The following MYSM1 variants were observed in gnomAD, a reference collection of about 807,000 sequenced individuals.
MYSM1 encodes Myb like, SWIRM and MPN domains 1.
MYSM1 carries 51 observed loss-of-function variants against 116.0 expected under a neutral mutation model. The observed-to-expected ratio is 0.44, with a 90% CI of 0.35 to 0.56. The LOEUF (loss-of-function observed/expected upper bound fraction) is 0.56, where lower values mean the gene tolerates loss of function less well. Ranked by LOEUF, MYSM1 falls within the 20% of genes least tolerant of loss-of-function variation. MYSM1 has a pLI of 0.00. For missense variants in MYSM1, 900 were observed against 974.9 expected, an observed-to-expected ratio of 0.92 and a Z score of 1.02; for synonymous variants, 313 against 315.2, an observed-to-expected ratio of 0.99 and a Z score of 0.07.
intron 7 of MYSM1, among the ~76,000 whole-genome samples, chr1:58,683,940 C>G (rs6661709): frequency 0.56 from 84,894 of 151,868 alleles, 23,969 homozygotes; most frequent in East Asian, 0.62. Flanking sequence ...TACCCCAGGT[C>G]TTTGAGTAAA....
chr1:58,681,827 G>C lies in MYSM1; in HGVS notation c.1217C>G (p.Pro406Arg). The change falls in exon 8 of 20, where the codon CCA becomes CGA. Residue 406 changes from proline to arginine, a missense_variant. This residue lies in a region of MYSM1 where 622 missense variants were observed against 623.7 expected (regional missense o/e 1.00). Coordinates refer to ENST00000472487, the MANE Select transcript of MYSM1 (RefSeq NM_001085487.3). ...ATTTCTAATTTTCAAATAGCGTTCT[G>C]GTGTTTTAGCTTGGCGCCCCTCAAA... ...EFFEGRQAKT[P>R]ERYLKIRNYI... 6.2e-7 allele frequency: 1 copy of C among 1,603,882 alleles called. No homozygotes were observed. The highest frequency in any genetic ancestry group is 8.5e-7 in the Non-Finnish European group (1 of 1,177,434).
Position 58,675,507 on chromosome 1 carries a change from T to C in MYSM1, c.1464A>G (p.Ala488=). The change falls in exon 10 of 20, where the codon GCA becomes GCG. Residue 488 remains alanine (A), a synonymous_variant. Coordinates refer to ENST00000472487, the MANE Select transcript of MYSM1 (RefSeq NM_001085487.3). ...RIRDRKDAVE[A]YQLAQRLQSM... ...ACTGCAGACGCTGGGCAAGTTGGTA[T>C]GCTTCTACTGCATCTTTTCTGTCTC... 1 of 1,613,010 alleles carries C rather than the reference T, an allele frequency of 6.2e-7. No homozygotes were observed. Among genetic ancestry groups the C allele is most frequent in the Non-Finnish European group, 8.5e-7 (1 of 1,179,426 alleles).
intron 16 of MYSM1, among the ~76,000 whole-genome samples, chr1:58,666,121 A>G (rs918005502): frequency 2.6e-5 from 4 of 152,116 alleles, no homozygotes; most frequent in African/African-American, 7.2e-5. Flanking sequence ...TTCATCTCAC[A>G]CGGTACATTT....
Position 58,690,414 on chromosome 1 carries a change from A to G in MYSM1, c.222T>C (p.Tyr74=), listed in dbSNP as rs369694843. Residue 74 remains tyrosine, a synonymous_variant, in exon 4 of 20, where the codon TAT becomes TAC. Coordinates refer to ENST00000472487, the MANE Select transcript of MYSM1 (RefSeq NM_001085487.3). ...CCGGTTGTGATTTTTTAGATAAATA[A>G]TATCTGTGTAACTATCAAGGAAACT... ...VIEKMLLEEE[Y]YLSKKSQPEK... The G allele has an allele frequency of 5.7e-6, 9 of 1,590,328 alleles. No homozygotes were observed. The South Asian group carries it at 5.7e-5, about 10-fold the overall frequency.
chr1:58,695,195 A>AT lies in MYSM1; in HGVS notation c.80dup (p.Asn27LysfsTer13). On this transcript the variant is annotated frameshift_variant, in exon 2 of 20. Coordinates refer to ENST00000472487, the MANE Select transcript of MYSM1 (RefSeq NM_001085487.3). LOFTEE classifies it high-confidence loss of function. ...GATCTTTTTGTAAAACTGATGCTGTATTTTCACCACTTCTGTAATAATTAA... is the reference window on the plus strand; with the variant it reads ...GATCTTTTTGTAAAACTGATGCTGTATTTTTCACCACTTCTGTAATAATTAA... The AT allele has an allele frequency of 6.3e-7, 1 of 1,598,400 alleles. No homozygotes were observed. Among genetic ancestry groups the AT allele is most frequent in the Non-Finnish European group, 8.6e-7 (1 of 1,166,464 alleles).
At chr1:58,678,169 T>C (rs184665216) in intron 8 of MYSM1, among the ~76,000 whole-genome samples, 17 of 152,228 alleles carry the variant, frequency 1.1e-4, no homozygotes, top group Admixed American at 7.2e-4. Flanking sequence ...CATAGACTAC[T>C]TTAGATAGAT....
intron 16 of MYSM1, 99 bp from the exon 17 acceptor site, chr1:58,665,730 G>GGAACAAA: frequency 1.2e-6 from 1 of 814,240 alleles, no homozygotes; most frequent in East Asian, 2.7e-5. Flanking sequence ...GGGAAAAGCA[G>GGAACAAA]GAACAAAAAG....
At position 58,671,975 on chromosome 1, in the gene MYSM1, A is replaced by G. The variant is rs750479136; in HGVS notation, c.1573-17T>C. 31 of 1,602,382 alleles carry G rather than the reference A, an allele frequency of 1.9e-5. No individual in the cohort carries two copies. In the East Asian group the frequency reaches 4.0e-4, roughly 21 times the overall value. On this transcript the variant is annotated splice_polypyrimidine_tract_variant and intron_variant, in intron 11 of 19. Coordinates refer to ENST00000472487, the MANE Select transcript of MYSM1 (RefSeq NM_001085487.3). ...AGAGAGATGCTAAAACAAAATGCCA[A>G]TTGATTAAGGAGTCCATCATCTACT... is the stretch of plus-strand genomic sequence containing the variant.
intron 11 of MYSM1, among the ~76,000 whole-genome samples, chr1:58,673,252 T>G (rs925595431): frequency 2.0e-5 from 3 of 152,184 alleles, no homozygotes; most frequent in Admixed American, 6.5e-5. Context: ...AATATTTTAA[T>G]TGGTATATCA....
chr1:58,690,451 A>G lies in MYSM1; in HGVS notation c.219-34T>C, dbSNP rs1044607880. 2.1e-6 allele frequency: 3 copies of G among 1,396,758 alleles called. No homozygotes were observed. In the Admixed American group the frequency reaches 6.1e-5, roughly 29 times the overall value. 86.5% of individuals were successfully genotyped at this position (1,396,758 alleles called of 1,614,324 possible). A position where few individuals can be genotyped will look rare whatever the true frequency, so the allele number is the denominator to read the frequency against. Reference sequence around the variant, plus strand: ...CTATCAAGGAAACTTTTTAAACAATATTACAGTCATGTAATTTTTACATTA... The same window carrying G: ...CTATCAAGGAAACTTTTTAAACAATGTTACAGTCATGTAATTTTTACATTA... On this transcript the variant is annotated intron_variant, in intron 3 of 19. Transcript: ENST00000472487.
rs189479164 is a variant in MYSM1, at chr1:58,673,862, G to A, written c.1495-212C>T. Among the ~76,000 whole-genome samples, 185 of 152,274 alleles carry A rather than the reference G, an allele frequency of 1.2e-3. 1 individual carries two copies. Among genetic ancestry groups the A allele is most frequent in the African/African-American group, 4.1e-3 (172 of 41,552 alleles). ...ACAAATATAATAAATCAGTGATGGCGAGGTAAGGGCAGGAGCACCAGTAGC... is the reference window on the plus strand; with the variant it reads ...ACAAATATAATAAATCAGTGATGGCAAGGTAAGGGCAGGAGCACCAGTAGC... On this transcript the variant is annotated intron_variant, in intron 10 of 19. Transcript: ENST00000472487.
rs1359577771 is a variant in MYSM1, at chr1:58,695,115, T to A, written c.147+14A>T. On this transcript the variant is annotated intron_variant, in intron 2 of 19. Transcript: ENST00000472487. The stretch of plus-strand genomic sequence containing the variant: ...AACAGCTTAATGCACCTGATATTTT[T>A]ATAAAATACTTACAATAAGGCCATT... 5 of 1,535,030 alleles carry A rather than the reference T, an allele frequency of 3.3e-6. No homozygotes were observed. The highest frequency in any genetic ancestry group is 4.5e-6 in the Non-Finnish European group (5 of 1,110,436).
At chr1:58,691,828 T>C (rs929998631) in intron 3 of MYSM1, among the ~76,000 whole-genome samples, 6 of 151,394 alleles carry the variant, frequency 4.0e-5, no homozygotes, top group African/African-American at 1.5e-4. Context: ...GATCGCACCA[T>C]TGCACTCCAG....
chr1:58,668,489 A>C (rs1569719952), intron 14 of MYSM1, 143 bp downstream of exon 14: 19 of 1,364,926 alleles, frequency 1.4e-5, no homozygotes, highest in Non-Finnish European at 1.7e-5. Context: ...CTCCAAAAGA[A>C]AAGACTTATT....
rs913430110 is a variant in MYSM1 at position 58,691,448 on chromosome 1, A to G, written c.219-1031T>C. On this transcript the variant is annotated intron_variant, in intron 3 of 19. Coordinates refer to ENST00000472487, the MANE Select transcript of MYSM1 (RefSeq NM_001085487.3). ...ACTCTCATTATTTGTTTCCATATCT[A>G]GAAGTGAACCACTGACTACTTAAGT... Among the ~76,000 whole-genome samples the G allele has an allele frequency of 1.5e-4, 23 of 152,370 alleles. No homozygotes were observed. The South Asian group carries it at 2.3e-3, about 15-fold the overall frequency.
chr1:58,679,678 C>T (rs967324390), intron 8 of MYSM1, among the ~76,000 whole-genome samples: 1 of 152,130 alleles, frequency 6.6e-6, no homozygotes, highest in Non-Finnish European at 1.5e-5. Flanking sequence ...AAACTAGTCT[C>T]GAACTCCTGG....
chr1:58,659,351 A>T lies in MYSM1; in HGVS notation c.*646T>A, dbSNP rs1644360690. On this transcript the variant is annotated 3_prime_UTR_variant, in exon 20 of 20. Coordinates refer to ENST00000472487, the MANE Select transcript of MYSM1 (RefSeq NM_001085487.3). ...TAAAATTGGTTAAAAATTTTCAGAT[A>T]GCTGAGAAAATGGCATATCTTATGA... 6.6e-6 allele frequency: 1 copy of T among 152,188 alleles called. No homozygotes were observed. Among genetic ancestry groups the T allele is most frequent in the Non-Finnish European group, 1.5e-5 (1 of 68,026 alleles). 9.4% of individuals were successfully genotyped at this position (152,188 alleles called of 1,614,324 possible). A position where few individuals can be genotyped will look rare whatever the true frequency, so the allele number is the denominator to read the frequency against.
At chr1:58,692,771 T>C in intron 3 of MYSM1, 90 bp downstream of exon 3, 1 of 848,762 alleles carries the variant, frequency 1.2e-6, no homozygotes, top group Non-Finnish European at 1.9e-6. Context: ...ATAAAATCCA[T>C]CTAGTAAACA....
chr1:58,684,192 T>C (rs1420272717), intron 7 of MYSM1, among the ~76,000 whole-genome samples: 2 of 152,136 alleles, frequency 1.3e-5, no homozygotes, highest in Non-Finnish European at 2.9e-5. Flanking sequence ...ATTATCTACA[T>C]GAAGAGATAA....
Sources: gnomAD v4.1 joint callset for allele counts (sites outside exome capture counted in the v4.1 genomes callset) on GRCh38, gnomAD v4.1.1 for gene constraint, gnomAD v4.1.1 regional missense constraint, MANE v1.5 for transcripts, NCBI Gene and HGNC (gene_info 2026-07-23, HGNC 2026-07-21) for gene names.